KATNIP: variants seen among roughly 807,000 people sequenced by gnomAD.
KATNIP encodes the protein katanin interacting protein.
A neutral mutation model predicts 174.0 loss-of-function variants in KATNIP; 126 were observed. The ratio of observed to expected loss-of-function variants is 0.72; its 90% CI spans 0.63 to 0.84. The LOEUF (loss-of-function observed/expected upper bound fraction) is 0.84, where lower values mean the gene tolerates loss of function less well. Among genes scored for constraint, KATNIP ranks in the 40% least tolerant of loss-of-function variants. The pLI is 0.00. For missense variants in KATNIP, 1,958 were observed against 2,109.7 expected (o/e 0.93, Z 1.41); for synonymous variants, 810 against 835.7 (o/e 0.97, Z 0.53).
At chr16:27,768,054 A>G (rs566336255) in intron 20 of KATNIP, among the ~76,000 whole-genome samples, 1 of 151,736 alleles carries the variant, frequency 6.6e-6, no homozygotes, top group Admixed American at 6.6e-5. Context: ...TCTGGGCCCC[A>G]CCAGCCAGAC....
At chr16:27,551,345 A>T (rs953821313) in intron 1 of KATNIP, among the ~76,000 whole-genome samples, 5 of 152,188 alleles carry the variant, frequency 3.3e-5, no homozygotes, top group Non-Finnish European at 5.9e-5. Context: ...ACATTCTGTC[A>T]TATGCTTAAA....
chr16:27,759,886 C>G (rs1169809949), intron 18 of KATNIP, among the ~76,000 whole-genome samples: 1 of 152,186 alleles, frequency 6.6e-6, no homozygotes, highest in Admixed American at 6.5e-5. Flanking sequence ...CCACTTTGCA[C>G]GTGAATGATG....
chr16:27,709,662 C>T (rs2079486043), intron 13 of KATNIP, among the ~76,000 whole-genome samples: 1 of 152,074 alleles, frequency 6.6e-6, no homozygotes, highest in South Asian at 2.1e-4. Context: ...AAGATAAAAT[C>T]TACCAGGGTT....
chr16:27,613,337 T>C (rs1389098173), intron 2 of KATNIP, among the ~76,000 whole-genome samples: 2 of 152,120 alleles, frequency 1.3e-5, no homozygotes, highest in African/African-American at 4.8e-5. Flanking sequence ...ACATCAACAT[T>C]TAAGAAGTGG....
intron 2 of KATNIP, among the ~76,000 whole-genome samples, chr16:27,586,839 A>C (rs1055920060): frequency 1.3e-4 from 19 of 151,548 alleles, no homozygotes; most frequent in Admixed American, 9.9e-4. Flanking sequence ...AAAAAAAAAA[A>C]AACAAAAAAA....
chr16:27,700,921 G>A (rs77794186), intron 10 of KATNIP, among the ~76,000 whole-genome samples: 2 of 152,238 alleles, frequency 1.3e-5, no homozygotes, highest in East Asian at 3.9e-4. Flanking sequence ...TAACTGCCCA[G>A]GTCCGGAATT....
chr16:27,746,464 CA>C (rs1341617554), intron 15 of KATNIP, among the ~76,000 whole-genome samples: 18 of 152,074 alleles, frequency 1.2e-4, no homozygotes, highest in Non-Finnish European at 2.4e-4. Context: ...GGGCAGAGGA[CA>C]GGGGCAGAGG....
Position 27,740,150 on chromosome 16 carries a change from T to C in KATNIP, c.1853T>C (p.Leu618Pro), listed in dbSNP as rs765571513. 4 of 1,614,068 alleles carry C rather than the reference T, an allele frequency of 2.5e-6. No homozygotes were observed. In the African/African-American group the frequency reaches 4.0e-5, roughly 16 times the overall value. ...DREAPADHSI[L>P]VDQKNEKSEQ... is the part of the protein sequence containing the mutation. ...GAGGCCCCAGCTGACCACAGCATCC[T>C]GGTTGACCAGAAGAACGAGAAGAGC... The change falls in exon 15 of 28, where the codon CTG becomes CCG. Residue 618 changes from leucine (L) to proline (P), a missense_variant. Transcript: ENST00000261588.
At chr16:27,618,864 G>T (rs1458600202) in intron 3 of KATNIP, among the ~76,000 whole-genome samples, 1 of 152,172 alleles carries the variant, frequency 6.6e-6, no homozygotes, top group Non-Finnish European at 1.5e-5. Context: ...TGAAATCTGA[G>T]CCTATAATCA....
At chr16:27,713,649 G>A (rs1308642606) in intron 13 of KATNIP, among the ~76,000 whole-genome samples, 2 of 149,084 alleles carry the variant, frequency 1.3e-5, no homozygotes, top group African/African-American at 4.9e-5. Flanking sequence ...ATTTATGTGT[G>A]TGTATATATA....
In KATNIP at chr16:27,740,542, G is replaced by A. The variant is rs775340152; in HGVS notation, c.2245G>A (p.Gly749Arg). ...GGGCAGAAAAATCTGTGAGCCACCC[G>A]GGAAAACCCCATCCTGGTTACAACC... Reference protein sequence around the residue: ...LMGRKICEPPGKTPSWLQPSP... With the variant: ...LMGRKICEPPRKTPSWLQPSP... Residue 749 changes from glycine to arginine, a missense_variant, in exon 15 of 28, where the codon GGG (glycine) becomes AGG (arginine). Transcript: ENST00000261588. The A allele has an allele frequency of 7.4e-6, 12 of 1,613,976 alleles. No homozygotes were observed. Among genetic ancestry groups the A allele is most frequent in the Admixed American group, 5.0e-5 (3 of 59,996 alleles).
chr16:27,672,699 T>C (rs937982534), intron 6 of KATNIP, among the ~76,000 whole-genome samples: 1 of 152,226 alleles, frequency 6.6e-6, no homozygotes, highest in Non-Finnish European at 1.5e-5. Flanking sequence ...AAGTCACAGC[T>C]ATGCCACTTA....
chr16:27,736,725 C>A (rs968178145), intron 14 of KATNIP, among the ~76,000 whole-genome samples: 1 of 152,150 alleles, frequency 6.6e-6, no homozygotes, highest in African/African-American at 2.4e-5. Flanking sequence ...CAGCTTTAAG[C>A]AGGAGGCTCC....
At chr16:27,591,494 C>T (rs150947048) in intron 2 of KATNIP, among the ~76,000 whole-genome samples, 1 of 152,052 alleles carries the variant, frequency 6.6e-6, no homozygotes, top group Admixed American at 6.6e-5. Context: ...GTTGTGCTTT[C>T]TAATGAAAAC....
At chr16:27,728,360 A>T (rs967635255) in intron 14 of KATNIP, among the ~76,000 whole-genome samples, 1 of 152,222 alleles carries the variant, frequency 6.6e-6, no homozygotes, top group South Asian at 2.1e-4. Flanking sequence ...TGAGAGTTCC[A>T]AGAGGGTCAG....
intron 5 of KATNIP, among the ~76,000 whole-genome samples, chr16:27,634,019 A>G (rs1171559971): frequency 6.6e-6 from 1 of 152,204 alleles, no homozygotes; most frequent in Admixed American, 6.5e-5. Flanking sequence ...GTTGCTAATG[A>G]GGCCTTTCTT....
At chr16:27,585,443 G>A (rs980390058) in intron 2 of KATNIP, among the ~76,000 whole-genome samples, 1 of 152,218 alleles carries the variant, frequency 6.6e-6, no homozygotes, top group Non-Finnish European at 1.5e-5. Flanking sequence ...AAGAAAGGAA[G>A]TGGGTATATC....
At chr16:27,604,637 C>T (rs1388670697) in intron 2 of KATNIP, among the ~76,000 whole-genome samples, 1 of 152,184 alleles carries the variant, frequency 6.6e-6, no homozygotes, top group East Asian at 1.9e-4. Context: ...GAGACTAGTT[C>T]AGGGCCCAGC....
intron 4 of KATNIP, 105 bp from the exon 5 acceptor site, chr16:27,630,958 CTT>C: frequency 1.2e-6 from 1 of 819,444 alleles, no homozygotes; most frequent in Non-Finnish European, 2.0e-6. Context: ...ATACACAAGA[CTT>C]TGGGCACACT....
Sources: gnomAD v4.1 joint callset for allele counts (sites outside exome capture counted in the v4.1 genomes callset) on GRCh38, gnomAD v4.1.1 for gene constraint, MANE v1.5 for transcripts, NCBI Gene and HGNC (gene_info 2026-07-23, HGNC 2026-07-21) for gene names.